Variants in CFAP47 observed in about 807,000 individuals in gnomAD.
The protein encoded by CFAP47 is cilia and flagella associated protein 47, also known as cilia- and flagella-associated protein 47.
In CFAP47, 29 loss-of-function variants were observed where a neutral mutation model predicts 148.1. The observed-to-expected ratio is 0.20, with a 90% CI of 0.15 to 0.27. The LOEUF is 0.27. CFAP47 is among the 10% of genes least tolerant of loss of function. The pLI is 1.00. For missense variants in CFAP47, 1,872 were observed against 1,697.5 expected (o/e 1.10, Z -1.81); for synonymous variants, 664 against 577.3 (o/e 1.15, Z -2.15).
intron 49 of CFAP47, among the ~76,000 whole-genome samples, chrX:36,270,754 C>T (rs1940949739): frequency 9.5e-6 from 1 of 105,566 alleles, no homozygotes; most frequent in Non-Finnish European, 1.9e-5. Flanking sequence ...TACTTATATA[C>T]ATATTCTGGA....
At chrX:36,167,812 A>G (rs1258893964) in intron 39 of CFAP47, among the ~76,000 whole-genome samples, 2 of 111,801 alleles carry the variant, frequency 1.8e-5, no homozygotes, top group Non-Finnish European at 3.8e-5. Context: ...TTTTCTTATT[A>G]TATTTTAGTT....
chrX:35,924,140 T>G (rs778127692), intron 1 of CFAP47, among the ~76,000 whole-genome samples: 15 of 98,912 alleles, frequency 1.5e-4, no homozygotes, highest in African/African-American at 4.2e-4. Context: ...TGTATATGTG[T>G]ACATGTATGC....
intron 29 of CFAP47, among the ~76,000 whole-genome samples, chrX:36,077,152 A>T (rs1175481066): frequency 1.3e-5 from 1 of 77,928 alleles, no homozygotes; most frequent in Admixed American, 1.9e-4. Context: ...CTTATAGTAC[A>T]GTTTGAAGTC....
At chrX:35,930,461 C>A (rs1202595349) in intron 2 of CFAP47, among the ~76,000 whole-genome samples, 1 of 110,623 alleles carries the variant, frequency 9.0e-6, no homozygotes, top group Non-Finnish European at 1.9e-5. Context: ...AGGATAGTGC[C>A]AGCCTCATAA....
chrX:36,045,920 A>G (rs955635167), intron 25 of CFAP47, among the ~76,000 whole-genome samples: 1 of 111,935 alleles, frequency 8.9e-6, no homozygotes, highest in African/African-American at 3.2e-5. Flanking sequence ...GCAGTGTCCA[A>G]GTTATACATA....
intron 30 of CFAP47, among the ~76,000 whole-genome samples, chrX:36,090,675 G>C (rs1938168020): frequency 9.0e-6 from 1 of 111,394 alleles, no homozygotes; most frequent in African/African-American, 3.3e-5. Flanking sequence ...TAATAAAATT[G>C]GGTCATTAAT....
intron 6 of CFAP47, among the ~76,000 whole-genome samples, chrX:35,952,701 G>A (rs1569212791): frequency 9.0e-6 from 1 of 111,731 alleles, no homozygotes; most frequent in African/African-American, 3.3e-5. Context: ...TCAAGTAATT[G>A]TTCTATATGT....
intron 10 of CFAP47, among the ~76,000 whole-genome samples, chrX:35,968,162 C>A (rs765327283): frequency 1.8e-5 from 2 of 110,291 alleles, no homozygotes; most frequent in Non-Finnish European, 3.8e-5. Flanking sequence ...GTAACAGGTC[C>A]TCAGAGTAGT....
chrX:36,303,155 C>T (rs1397933762), intron 53 of CFAP47, among the ~76,000 whole-genome samples: 1 of 111,380 alleles, frequency 9.0e-6, no homozygotes, highest in Non-Finnish European at 1.9e-5. Context: ...GGGATAATTC[C>T]TTGCCTCTTT....
chrX:36,363,079 T>G (rs996460191), intron 61 of CFAP47, among the ~76,000 whole-genome samples: 3 of 111,829 alleles, frequency 2.7e-5, no homozygotes, highest in Non-Finnish European at 5.7e-5. Flanking sequence ...GGTGAATATT[T>G]GAGAGACTAA....
At chrX:35,925,956 T>G in intron 1 of CFAP47, 61 bp from the exon 2 acceptor site, 3 of 978,728 alleles carry the variant, frequency 3.1e-6, no homozygotes, top group African/African-American at 2.2e-5. Context: ...TGCCCAGCCA[T>G]GGTATTTTTT....
chrX:36,190,261 A>G (rs1939852119), intron 42 of CFAP47, 65 bp downstream of exon 42: 1 of 293,615 alleles, frequency 3.4e-6, no homozygotes. Flanking sequence ...AACGAACAGC[A>G]GGTGACTTGA....
intron 62 of CFAP47, among the ~76,000 whole-genome samples, chrX:36,367,522 G>C (rs961636264): frequency 8.9e-6 from 1 of 111,829 alleles, no homozygotes; most frequent in Non-Finnish European, 1.9e-5. Flanking sequence ...TATCATAGCT[G>C]TCTGTTACAT....
At chrX:35,927,359 G>C (rs774068554) in intron 2 of CFAP47, among the ~76,000 whole-genome samples, 1 of 111,589 alleles carries the variant, frequency 9.0e-6, no homozygotes, top group South Asian at 3.8e-4. Flanking sequence ...TGCAGTTTAA[G>C]TAGAACCATT....
chrX:36,140,943 A>G (rs2146833555), intron 35 of CFAP47, among the ~76,000 whole-genome samples: 1 of 111,462 alleles, frequency 9.0e-6, no homozygotes, highest in South Asian at 3.7e-4. Flanking sequence ...TTGTTCCCTC[A>G]TGCAAAGATA....
At chrX:35,921,590 T>C (rs1457037550) in intron 1 of CFAP47, among the ~76,000 whole-genome samples, 3 of 112,041 alleles carry the variant, frequency 2.7e-5, no homozygotes, top group African/African-American at 9.7e-5. Flanking sequence ...ATTGGTTTTA[T>C]TTCAGTTTAT....
chrX:36,352,618 AGT>A (rs1371271324), intron 59 of CFAP47, among the ~76,000 whole-genome samples: 2 of 110,284 alleles, frequency 1.8e-5, no homozygotes, highest in Non-Finnish European at 3.8e-5. Context: ...ACTTGATAGT[AGT>A]AGAGCATTTT....
At chrX:36,169,158 C>T (rs1939533627) in intron 39 of CFAP47, among the ~76,000 whole-genome samples, 1 of 110,880 alleles carries the variant, frequency 9.0e-6, no homozygotes, top group Non-Finnish European at 1.9e-5. Context: ...TAAGGAGCCA[C>T]TGTAGACACT....
At chrX:36,196,036 G>A (rs1253321215) in intron 42 of CFAP47, among the ~76,000 whole-genome samples, 1 of 111,300 alleles carries the variant, frequency 9.0e-6, no homozygotes, top group Non-Finnish European at 1.9e-5. Context: ...AATCTGTAAG[G>A]CCTGCAATTA....
Sources: gnomAD v4.1 joint callset for allele counts (sites outside exome capture counted in the v4.1 genomes callset) on GRCh38, gnomAD v4.1.1 for gene constraint, MANE v1.5 for transcripts, NCBI Gene and HGNC (gene_info 2026-07-23, HGNC 2026-07-21) for gene names.